Variants in CTIF observed in about 807,000 individuals in gnomAD.
The protein encoded by CTIF is CBP80/20-dependent translation initiation factor.
CTIF carries 21 observed loss-of-function variants against 66.0 expected under a neutral mutation model. The observed-to-expected ratio is 0.32, with a 90% CI of 0.23 to 0.46. The LOEUF is 0.46. Among genes scored for constraint, CTIF ranks in the 20% least tolerant of loss-of-function variants. The pLI is 1.00. For synonymous variants in CTIF, 345 were observed against 326.4 expected (o/e 1.06, Z -0.62); for missense variants, 739 against 812.7 (o/e 0.91, Z 1.10).
intron 10 of CTIF, among the ~76,000 whole-genome samples, chr18:48,854,222 C>T (rs1023086966): frequency 6.6e-6 from 1 of 151,902 alleles, no homozygotes; most frequent in Non-Finnish European, 1.5e-5. Flanking sequence ...AGCAGGAGTG[C>T]CTGGGAGTGA....
chr18:48,749,354 T>A (rs1004222528), intron 7 of CTIF, among the ~76,000 whole-genome samples: 1 of 152,180 alleles, frequency 6.6e-6, no homozygotes, highest in Admixed American at 6.5e-5. Context: ...ATCACAGTAT[T>A]TCCCTCGGGA....
chr18:48,694,895 G>T (rs2091873340), intron 6 of CTIF, among the ~76,000 whole-genome samples: 1 of 152,244 alleles, frequency 6.6e-6, no homozygotes, highest in South Asian at 2.1e-4. Context: ...TCCACACAGA[G>T]ATTTTTCTGC....
Position 48,591,410 on chromosome 18 carries a change from A to G in CTIF, c.-28-28128A>G, listed in dbSNP as rs79158289. Among the ~76,000 whole-genome samples the G allele has an allele frequency of 3.8e-3, 583 of 152,310 alleles. 6 individuals are homozygous for G. The highest frequency in any genetic ancestry group is 0.013 in the African/African-American group (548 of 41,560). On this transcript the variant is annotated intron_variant, in intron 1 of 11. Coordinates refer to ENST00000256413, the MANE Select transcript of CTIF (RefSeq NM_014772.3). ...GAGAAGACAGACTCAGCATCAAGAAAAGGTCAACACCAGCCTGGCAGGTCC... is the reference window on the plus strand; with the variant it reads ...GAGAAGACAGACTCAGCATCAAGAAGAGGTCAACACCAGCCTGGCAGGTCC...
intron 1 of CTIF, among the ~76,000 whole-genome samples, chr18:48,603,179 T>A (rs1387107407): frequency 1.4e-5 from 2 of 144,754 alleles, no homozygotes; most frequent in Non-Finnish European, 3.0e-5. Context: ...GATGGATAGA[T>A]GGGTGGGTGG....
intron 1 of CTIF, among the ~76,000 whole-genome samples, chr18:48,563,435 G>C (rs1226058168): frequency 6.6e-6 from 1 of 152,202 alleles, no homozygotes; most frequent in African/African-American, 2.4e-5. Flanking sequence ...CCTCTGCCCT[G>C]TACAGAAGGG....
Position 48,759,481 on chromosome 18 carries a change from A to C in CTIF, c.1071+1076A>C, listed in dbSNP as rs1044349631. Among the ~76,000 whole-genome samples the C allele has an allele frequency of 1.8e-4, 28 of 152,296 alleles. No homozygotes were observed. The East Asian group carries it at 3.7e-3, about 20-fold the overall frequency. ...AGATGCTGCTCCCAGTATCCTCTCC[A>C]CCGAGTCCTCTAGAGTTCTGCTAAA... On this transcript the variant is annotated intron_variant, in intron 8 of 11. Coordinates refer to ENST00000256413, the MANE Select transcript of CTIF (RefSeq NM_014772.3).
At chr18:48,848,262 C>G (rs1379420388) in intron 10 of CTIF, among the ~76,000 whole-genome samples, 2 of 152,206 alleles carry the variant, frequency 1.3e-5, no homozygotes, top group African/African-American at 2.4e-5. Context: ...TGTCCCCCCA[C>G]AGCCCTGGCT....
chr18:48,711,787 C>T, intron 7 of CTIF, 92 bp downstream of exon 7: 1 of 1,068,174 alleles, frequency 9.4e-7, no homozygotes, highest in South Asian at 1.3e-5. Flanking sequence ...TCGCTTTTCC[C>T]AGTCACCAGC....
chr18:48,565,721 A>G (rs960649755), intron 1 of CTIF: 2 of 152,290 alleles, frequency 1.3e-5, no homozygotes, highest in Admixed American at 1.3e-4. Context: ...GCACACAACC[A>G]TGCAAGCTCT....
chr18:48,636,541 C>G, intron 2 of CTIF, 73 bp from the exon 3 acceptor site: 4 of 1,164,172 alleles, frequency 3.4e-6, no homozygotes, highest in Non-Finnish European at 4.6e-6. Context: ...CAGGGCACAA[C>G]TCCTGCAGCC....
rs567805607 is a variant in CTIF at position 48,681,238 on chromosome 18, C to G, written c.507+10494C>G. On this transcript the variant is annotated intron_variant, in intron 6 of 11. Transcript: ENST00000256413. Reference sequence around the variant, plus strand: ...CCTCTGTTCTATACAGCCAGGGGGGCTGGGGGGTCAGGCCCAGGAGAGATT... The same window carrying G: ...CCTCTGTTCTATACAGCCAGGGGGGGTGGGGGGTCAGGCCCAGGAGAGATT... 2.6e-5 allele frequency among the ~76,000 whole-genome samples: 4 copies of G among 152,340 alleles called. No homozygotes were observed. The East Asian group carries it at 5.8e-4, about 22-fold the overall frequency.
At chr18:48,688,987 G>A (rs1264955531) in intron 6 of CTIF, among the ~76,000 whole-genome samples, 1 of 152,250 alleles carries the variant, frequency 6.6e-6, no homozygotes, top group African/African-American at 2.4e-5. Flanking sequence ...TAATGGCCGA[G>A]GTTCCCGGGG....
intron 10 of CTIF, among the ~76,000 whole-genome samples, chr18:48,844,033 T>G (rs536412468): frequency 6.6e-6 from 1 of 152,196 alleles, no homozygotes; most frequent in Non-Finnish European, 1.5e-5. Flanking sequence ...ACTCAAAATA[T>G]GTAAGCCAGG....
chr18:48,804,943 A>AC (rs2068114495), intron 9 of CTIF, among the ~76,000 whole-genome samples: 1 of 152,100 alleles, frequency 6.6e-6, no homozygotes, highest in East Asian at 1.9e-4. Context: ...TTATTTTGTC[A>AC]CCTAGGAGAA....
chr18:48,668,641 C>T (rs912438801), intron 5 of CTIF, among the ~76,000 whole-genome samples: 7 of 152,036 alleles, frequency 4.6e-5, no homozygotes, highest in African/African-American at 1.7e-4. Flanking sequence ...CATGCTCTAG[C>T]CACAGCAAAC....
At chr18:48,736,638 G>T (rs1441548310) in intron 7 of CTIF, among the ~76,000 whole-genome samples, 2 of 152,210 alleles carry the variant, frequency 1.3e-5, no homozygotes, top group African/African-American at 4.8e-5. Context: ...TATAGAATGG[G>T]TGGCTCCAGA....
chr18:48,678,806 C>A (rs935990251), intron 6 of CTIF, among the ~76,000 whole-genome samples: 1 of 152,092 alleles, frequency 6.6e-6, no homozygotes, highest in African/African-American at 2.4e-5. Flanking sequence ...CTTCAAGGGG[C>A]CTGGGCAAGT....
intron 10 of CTIF, among the ~76,000 whole-genome samples, chr18:48,820,230 C>T (rs982590621): frequency 3.9e-5 from 6 of 152,148 alleles, no homozygotes; most frequent in Admixed American, 3.9e-4. Flanking sequence ...GGGTGCCCTA[C>T]GGATCTCAAC....
intron 1 of CTIF, among the ~76,000 whole-genome samples, chr18:48,617,200 G>A (rs553599542): frequency 9.0e-4 from 137 of 152,282 alleles, no homozygotes; most frequent in Non-Finnish European, 3.2e-4. Flanking sequence ...ACTACTAGAG[G>A]CTGCCCACAT....
Sources: gnomAD v4.1 joint callset for allele counts (sites outside exome capture counted in the v4.1 genomes callset) on GRCh38, gnomAD v4.1.1 for gene constraint, MANE v1.5 for transcripts, NCBI Gene and HGNC (gene_info 2026-07-23, HGNC 2026-07-21) for gene names.